HCRTR2: variants seen among roughly 807,000 people sequenced by gnomAD.
The protein encoded by HCRTR2 is orexin receptor type 2.
A neutral mutation model predicts 49.0 loss-of-function variants in HCRTR2; 22 were observed. The observed-to-expected ratio is 0.45, with a 90% CI of 0.32 to 0.64. The LOEUF (loss-of-function observed/expected upper bound fraction) is 0.64. HCRTR2 is among the 30% of genes least tolerant of loss of function. The probability of loss-of-function intolerance (pLI) is 0.04; values close to 1 mark genes in which losing one functional copy is unlikely to be tolerated. For missense variants in HCRTR2, 491 were observed against 559.4 expected (o/e 0.88, Z 1.23); for synonymous variants, 236 against 205.3 (o/e 1.15, Z -1.28).
chr6:55,109,337 A>G (rs2127610220), intron 1 of HCRTR2, among the ~76,000 whole-genome samples: 1 of 152,304 alleles, frequency 6.6e-6, no homozygotes, highest in South Asian at 2.1e-4. Context: ...AGAAGATCAC[A>G]CTAGCTCACC....
chr6:55,172,608 T>C (rs1420842334), upstream of HCRTR2, among the ~76,000 whole-genome samples: 1 of 152,140 alleles, frequency 6.6e-6, no homozygotes, highest in Non-Finnish European at 1.5e-5. Flanking sequence ...AGAAGTACTA[T>C]GTCCCAAAAA....
At chr6:55,110,754 T>C (rs1438422801) in intron 1 of HCRTR2, among the ~76,000 whole-genome samples, 1 of 151,772 alleles carries the variant, frequency 6.6e-6, no homozygotes, top group African/African-American at 2.4e-5. Flanking sequence ...ACCTAAGAAA[T>C]GAGATAGACA....
At chr6:55,176,286 C>T (rs1474990323) in intron 1 of HCRTR2, among the ~76,000 whole-genome samples, 1 of 152,080 alleles carries the variant, frequency 6.6e-6, no homozygotes, top group Non-Finnish European at 1.5e-5. Flanking sequence ...GACTGTTTTC[C>T]TTTGGTTGAT....
At chr6:55,227,563 T>C (rs1271804076) in intron 1 of HCRTR2, among the ~76,000 whole-genome samples, 3 of 152,352 alleles carry the variant, frequency 2.0e-5, no homozygotes, top group Admixed American at 6.5e-5. Context: ...TTCCTGTGTA[T>C]TACATACAAT....
chr6:55,197,475 C>A (rs1346202589), intron 1 of HCRTR2, among the ~76,000 whole-genome samples: 4 of 152,180 alleles, frequency 2.6e-5, no homozygotes, highest in Non-Finnish European at 5.9e-5. Context: ...CCAATTCTAT[C>A]TGTAATCCTA....
intron 1 of HCRTR2, among the ~76,000 whole-genome samples, chr6:55,140,161 CT>C (rs111914284): frequency 6.6e-6 from 1 of 150,546 alleles, no homozygotes; most frequent in Non-Finnish European, 1.5e-5. Flanking sequence ...TAATCTGACC[CT>C]TTTTTTAGTG....
chr6:55,158,442 G>A (rs748071220), intron 1 of HCRTR2, among the ~76,000 whole-genome samples: 1 of 152,180 alleles, frequency 6.6e-6, no homozygotes, highest in Admixed American at 6.5e-5. Flanking sequence ...TGCCTGGAAT[G>A]CCAGTGAGAC....
At chr6:55,221,648 C>T (rs1464953471) in intron 1 of HCRTR2, among the ~76,000 whole-genome samples, 2 of 151,894 alleles carry the variant, frequency 1.3e-5, no homozygotes, top group Non-Finnish European at 2.9e-5. Context: ...CCCGTCTCTA[C>T]TAAAAATACA....
At chr6:55,212,102 T>C (rs933059329) in intron 1 of HCRTR2, among the ~76,000 whole-genome samples, 1 of 152,320 alleles carries the variant, frequency 6.6e-6, no homozygotes. Context: ...CTCAAGATCA[T>C]GCTGAAAAGC....
At chr6:55,176,744 A>G (rs1765047001) in intron 1 of HCRTR2, among the ~76,000 whole-genome samples, 1 of 152,200 alleles carries the variant, frequency 6.6e-6, no homozygotes, top group Admixed American at 6.5e-5. Flanking sequence ...GCTAAAAAGC[A>G]TATAGAGAAT....
chr6:55,280,821 A>G lies in HCRTR2; in HGVS notation c.1105+377A>G, dbSNP rs1253466617. 2.0e-5 allele frequency among the ~76,000 whole-genome samples: 3 copies of G among 152,256 alleles called. No individual in the cohort carries two copies. The East Asian group carries it at 5.8e-4, about 29-fold the overall frequency. The stretch of plus-strand genomic sequence containing the variant: ...AAAATGTGTAGCCTAATTGAGACAG[A>G]ATTGGGATCTATTCACTTTTAGATA... On this transcript the variant is annotated intron_variant, in intron 6 of 6. Coordinates refer to ENST00000370862, the MANE Select transcript of HCRTR2 (RefSeq NM_001384272.1).
At chr6:55,231,496 T>C (rs12527963) in intron 1 of HCRTR2, among the ~76,000 whole-genome samples, 4,381 of 152,000 alleles carry the variant, frequency 0.029, 268 homozygotes, top group Admixed American at 0.15. Flanking sequence ...TAATTTTAAC[T>C]ATGGAAAGTA....
At chr6:55,143,904 C>A (rs1246046570) in intron 1 of HCRTR2, among the ~76,000 whole-genome samples, 1 of 152,182 alleles carries the variant, frequency 6.6e-6, no homozygotes, top group Non-Finnish European at 1.5e-5. Context: ...TAGTAATTAT[C>A]AGCTTTTGCT....
At chr6:55,265,805 A>C (rs1256066813) in intron 4 of HCRTR2, among the ~76,000 whole-genome samples, 1 of 152,046 alleles carries the variant, frequency 6.6e-6, no homozygotes, top group Non-Finnish European at 1.5e-5. Flanking sequence ...AAATGGCTTA[A>C]ATTTTTGTGA....
rs138589004 is a variant in HCRTR2, at chr6:55,198,428, T to C, written c.223+23618T>C. 4.5e-3 allele frequency among the ~76,000 whole-genome samples: 691 copies of C among 152,218 alleles called. 1 individual carries two copies. Among genetic ancestry groups the C allele is most frequent in the African/African-American group, 0.015 (632 of 41,524 alleles). On this transcript the variant is annotated intron_variant, in intron 1 of 6. Coordinates refer to ENST00000370862, the MANE Select transcript of HCRTR2 (RefSeq NM_001384272.1). ...TCAAACTGTAATCCTAATGCTAACG[T>C]TCAGGCTACTTTTAACCCTCACCCT...
At chr6:55,144,417 A>G (rs1764551516) in intron 1 of HCRTR2, among the ~76,000 whole-genome samples, 1 of 151,820 alleles carries the variant, frequency 6.6e-6, no homozygotes, top group South Asian at 2.1e-4. Context: ...TTCCACCATG[A>G]CAGCTCTTTC....
chr6:55,151,355 A>G (rs536438723), intron 1 of HCRTR2, among the ~76,000 whole-genome samples: 2 of 152,174 alleles, frequency 1.3e-5, no homozygotes, highest in East Asian at 3.9e-4. Flanking sequence ...AAGTTTGTGT[A>G]ATAATCTAAA....
intron 1 of HCRTR2, among the ~76,000 whole-genome samples, chr6:55,218,858 CTG>C (rs1289635406): frequency 2.6e-5 from 4 of 152,158 alleles, no homozygotes; most frequent in Non-Finnish European, 5.9e-5. Context: ...GAGTCTCACT[CTG>C]TCACTCAGGC....
chr6:55,139,644 G>A (rs1287470056), intron 1 of HCRTR2, among the ~76,000 whole-genome samples: 7 of 152,172 alleles, frequency 4.6e-5, no homozygotes, highest in African/African-American at 9.7e-5. Flanking sequence ...AGGAGGTAAT[G>A]TGTAATAAAA....
Sources: gnomAD v4.1 joint callset for allele counts (sites outside exome capture counted in the v4.1 genomes callset) on GRCh38, gnomAD v4.1.1 for gene constraint, MANE v1.5 for transcripts, NCBI Gene and HGNC (gene_info 2026-07-23, HGNC 2026-07-21) for gene names.